ARPP19: variants seen among roughly 807,000 people sequenced by gnomAD.
ARPP19 encodes the protein cAMP-regulated phosphoprotein 19.
In ARPP19, 8 loss-of-function variants were observed where a neutral mutation model predicts 12.0. That is an observed-to-expected ratio of 0.67 (90% CI 0.39 to 1.21). The LOEUF is 1.21. Ranked by LOEUF, ARPP19 falls within the 50% of genes most tolerant of loss-of-function variation. The probability of loss-of-function intolerance (pLI) is 0.01; values close to 1 mark genes in which losing one functional copy is unlikely to be tolerated. For missense variants in ARPP19, 102 were observed against 136.3 expected (o/e 0.75, Z 1.25); for synonymous variants, 47 against 50.4 (o/e 0.93, Z 0.29).
intron 2 of ARPP19, 160 bp downstream of exon 2, chr15:52,556,940 T>A: frequency 1.5e-6 from 1 of 658,928 alleles, no homozygotes; most frequent in South Asian, 2.9e-5. Flanking sequence ...TGCTTATTTA[T>A]AAACTGCAAA....
intron 2 of ARPP19, chr15:52,556,886 A>G (rs113807649): frequency 2.2e-6 from 1 of 446,358 alleles, no homozygotes; most frequent in South Asian, 4.5e-5. Context: ...CATGCTTTAA[A>G]TAGTTTATTA....
chr15:52,560,774 G>C lies in ARPP19; in HGVS notation c.46-3552C>G, dbSNP rs528921188. ...CTATGCCAGATTAAAAGGCATGAGAGAAAGAATCCATTCTGCTCCTGGTGA... is the reference window on the plus strand; with the variant it reads ...CTATGCCAGATTAAAAGGCATGAGACAAAGAATCCATTCTGCTCCTGGTGA... On this transcript the variant is annotated intron_variant, in intron 1 of 2. Coordinates refer to ENST00000249822, the MANE Select transcript of ARPP19 (RefSeq NM_006628.6). 3.3e-5 allele frequency among the ~76,000 whole-genome samples: 5 copies of C among 152,368 alleles called. 1 individual carries two copies. The South Asian group carries it at 6.2e-4, about 19-fold the overall frequency.
intron 1 of ARPP19, among the ~76,000 whole-genome samples, chr15:52,568,007 G>C (rs778336325): frequency 3.3e-5 from 5 of 152,200 alleles, no homozygotes; most frequent in Non-Finnish European, 7.3e-5. Context: ...GGGCAGGGCG[G>C]TGGAAATAAT....
chr15:52,565,501 A>G (rs2078073029), intron 1 of ARPP19, among the ~76,000 whole-genome samples: 1 of 152,252 alleles, frequency 6.6e-6, no homozygotes, highest in Non-Finnish European at 1.5e-5. Context: ...AATCTGAATC[A>G]CCACGTTGCA....
intron 1 of ARPP19, 140 bp downstream of exon 1, chr15:52,568,708 A>C: frequency 1.9e-6 from 1 of 523,478 alleles, no homozygotes; most frequent in Non-Finnish European, 3.3e-6. Context: ...GACGGCGGGA[A>C]GCCAAAGGTG....
intron 1 of ARPP19, among the ~76,000 whole-genome samples, chr15:52,567,454 G>A (rs752086028): frequency 3.3e-5 from 5 of 152,308 alleles, no homozygotes; most frequent in East Asian, 1.9e-4. Context: ...TAAGTTTGAT[G>A]TAAGTGTTTA....
In ARPP19 at chr15:52,550,862, A is replaced by T. The variant is rs1432203436; in HGVS notation, c.*1072T>A. On this transcript the variant is annotated 3_prime_UTR_variant, in exon 3 of 3. Coordinates refer to ENST00000249822, the MANE Select transcript of ARPP19 (RefSeq NM_006628.6). ...GTGGAAGTAAAAAGTTTCTACATTT[A>T]AAAAGTTTATATAAATTACATGAAT... 1 of 152,686 alleles carries T rather than the reference A, an allele frequency of 6.5e-6. No homozygotes were observed. The highest frequency in any genetic ancestry group is 1.5e-5 in the Non-Finnish European group (1 of 68,036). The allele number at this position is 152,686 out of a possible 1,614,324, so 9.5% of individuals were successfully genotyped here. A position where few individuals can be genotyped will look rare whatever the true frequency, so the allele number is the denominator to read the frequency against.
chr15:52,567,898 A>T (rs2078099484), intron 1 of ARPP19, among the ~76,000 whole-genome samples: 1 of 152,154 alleles, frequency 6.6e-6, no homozygotes, highest in African/African-American at 2.4e-5. Context: ...ATTTAACGGC[A>T]ACACAACCTG....
chr15:52,564,247 C>G, intron 1 of ARPP19: 1 of 1,533,218 alleles, frequency 6.5e-7, no homozygotes, highest in Non-Finnish European at 8.7e-7. Context: ...TGTGTTCACT[C>G]TGAATAGAAA....
chr15:52,552,585 A>C (rs1293857403), intron 2 of ARPP19, among the ~76,000 whole-genome samples: 7 of 59,676 alleles, frequency 1.2e-4, no homozygotes, highest in South Asian at 5.6e-4. Flanking sequence ...CTGTCTCACA[A>C]AAAAAAAAAA....
Position 52,548,247 on chromosome 15 carries a change from G to C in ARPP19, c.*3687C>G, listed in dbSNP as rs1036196498. On this transcript the variant is annotated 3_prime_UTR_variant, in exon 3 of 3. Transcript: ENST00000249822. ...CATGCCTATAATCCCAGCACTTTGG[G>C]AGGCCGAGGCGAGTGGATCACCTGA... The C allele has an allele frequency of 1.3e-5, 2 of 152,238 alleles. No homozygotes were observed. Among genetic ancestry groups the C allele is most frequent in the Admixed American group, 1.3e-4 (2 of 15,288 alleles). 9.4% of individuals were successfully genotyped at this position (152,238 alleles called of 1,614,324 possible).
chr15:52,564,165 A>G, intron 1 of ARPP19: 8 of 1,503,114 alleles, frequency 5.3e-6, no homozygotes, highest in Non-Finnish European at 7.2e-6. Flanking sequence ...TAAGAGAAAC[A>G]TTTAAAAACT....
chr15:52,562,202 T>C (rs1043144184), intron 1 of ARPP19, among the ~76,000 whole-genome samples: 1 of 152,156 alleles, frequency 6.6e-6, no homozygotes, highest in African/African-American at 2.4e-5. Flanking sequence ...ATAAAGTAGT[T>C]AAGATACTTG....
rs1422848078 is a variant in ARPP19 at position 52,557,208 on chromosome 15, T to C, written c.60A>G (p.Lys20=). 2.5e-6 allele frequency: 4 copies of C among 1,600,020 alleles called. No homozygotes were observed. Among genetic ancestry groups the C allele is most frequent in the African/African-American group, 1.3e-5 (1 of 74,410 alleles). Residue 20 remains lysine, a synonymous_variant, in exon 2 of 3, where the codon AAA becomes AAG. Transcript: ENST00000249822. The stretch of plus-strand genomic sequence containing the variant: ...CTTCTGCTTTCTCTGGACTAGTCAC[T>C]TTATCTTCCATTTCCTAAAATAATT... ...SAEEQKEMED[K]VTSPEKAEEA...
intron 1 of ARPP19, among the ~76,000 whole-genome samples, chr15:52,560,546 CA>C (rs941456184): frequency 2.6e-4 from 39 of 152,198 alleles, no homozygotes; most frequent in African/African-American, 9.4e-4. Context: ...TTGGATTTAA[CA>C]GGGGGGAAAA....
chr15:52,566,952 T>C (rs1312677904), intron 1 of ARPP19, among the ~76,000 whole-genome samples: 1 of 149,240 alleles, frequency 6.7e-6, no homozygotes, highest in Non-Finnish European at 1.5e-5. Flanking sequence ...ACAGGCAACC[T>C]ACCAGTAAAC....
intron 1 of ARPP19, among the ~76,000 whole-genome samples, chr15:52,562,660 A>G (rs1382871555): frequency 1.3e-5 from 2 of 152,152 alleles, no homozygotes; most frequent in East Asian, 1.9e-4. Flanking sequence ...AACCCTACAC[A>G]TACCAAAACT....
chr15:52,551,927 C>T lies in ARPP19; in HGVS notation c.*7G>A, dbSNP rs751236830. The stretch of plus-strand genomic sequence containing the variant: ...ATTTAGCAGATTCATGCAGTTCAGC[C>T]TCTTAATCAGCCAGCCAGCTTGCTA... On this transcript the variant is annotated 3_prime_UTR_variant, in exon 3 of 3. Transcript: ENST00000249822. 2 of 1,607,592 alleles carry T rather than the reference C, an allele frequency of 1.2e-6. No individual in the cohort carries two copies. Among genetic ancestry groups the T allele is most frequent in the South Asian group, 2.2e-5 (2 of 90,604 alleles).
At chr15:52,552,583 CAAAAAAAAAAAA>C (rs10600080) in intron 2 of ARPP19, among the ~76,000 whole-genome samples, 18 of 59,696 alleles carry the variant, frequency 3.0e-4, no homozygotes, top group Admixed American at 9.8e-4. Flanking sequence ...GACTGTCTCA[CAAAAAAAAAAAA>C]AAAAAAAAAA....
Sources: gnomAD v4.1 joint callset for allele counts (sites outside exome capture counted in the v4.1 genomes callset) on GRCh38, gnomAD v4.1.1 for gene constraint, MANE v1.5 for transcripts, NCBI Gene and HGNC (gene_info 2026-07-23, HGNC 2026-07-21) for gene names.